Variants in CNTLN observed in about 807,000 individuals in gnomAD.
CNTLN encodes the protein centlein, also known as centlein, centrosomal protein.
CNTLN carries 212 observed loss-of-function variants against 180.0 expected under a neutral mutation model. The observed-to-expected ratio is 1.18, with a 90% CI of 1.05 to 1.32. CNTLN has a LOEUF of 1.32. Ranked by LOEUF, CNTLN falls within the 40% of genes most tolerant of loss-of-function variation. The probability of loss-of-function intolerance (pLI) is 0.00; values close to 1 mark genes in which losing one functional copy is unlikely to be tolerated. For synonymous variants in CNTLN, 722 were observed against 563.1 expected (o/e 1.28, Z -3.99); for missense variants, 2,095 against 1,610.9 (o/e 1.30, Z -5.14).
intron 5 of CNTLN, among the ~76,000 whole-genome samples, chr9:17,256,764 G>A (rs1746324975): frequency 6.6e-6 from 1 of 151,904 alleles, no homozygotes; most frequent in African/African-American, 2.4e-5. Context: ...ACTCAAAGCA[G>A]AGGGGATTTG....
In CNTLN at chr9:17,466,109, A is replaced by G; in HGVS notation, c.3660A>G (p.Leu1220=). ...EQMYQKSKEE[L]EKKDLKLTLL... is the part of the protein sequence containing the mutation. The stretch of plus-strand genomic sequence containing the variant: ...TGTATCAGAAATCTAAAGAGGAGTT[A>G]GAAAAAAAGGTATGCTTTTAAAAAG... Residue 1220 remains leucine, a synonymous_variant, in exon 22 of 26, where the codon TTA becomes TTG. Coordinates refer to ENST00000380647, the MANE Select transcript of CNTLN (RefSeq NM_017738.4). 6.2e-7 allele frequency: 1 copy of G among 1,601,760 alleles called. No homozygotes were observed. The highest frequency in any genetic ancestry group is 1.1e-5 in the South Asian group (1 of 89,440).
At chr9:17,249,916 G>A (rs1225112801) in intron 5 of CNTLN, among the ~76,000 whole-genome samples, 3 of 146,954 alleles carry the variant, frequency 2.0e-5, no homozygotes, top group East Asian at 2.0e-4. Context: ...TGTTGTTTAA[G>A]CCATCTTTAT....
intron 12 of CNTLN, among the ~76,000 whole-genome samples, chr9:17,347,854 C>T (rs1822036339): frequency 6.6e-6 from 1 of 151,956 alleles, no homozygotes; most frequent in Admixed American, 6.6e-5. Context: ...TTTTTTGAGA[C>T]AGAGTCTCGC....
intron 2 of CNTLN, among the ~76,000 whole-genome samples, chr9:17,211,399 C>T (rs535232867): frequency 4.7e-4 from 71 of 151,840 alleles, no homozygotes; most frequent in African/African-American, 6.1e-4. Flanking sequence ...GGCTCTGTTC[C>T]GTTCCATTGG....
At chr9:17,253,311 T>C (rs977186397) in intron 5 of CNTLN, among the ~76,000 whole-genome samples, 7 of 151,668 alleles carry the variant, frequency 4.6e-5, no homozygotes, top group Admixed American at 2.0e-4. Context: ...TGAAAAATGA[T>C]GTTGGTAGTA....
In CNTLN at chr9:17,220,147, G is replaced by A. The variant is rs142804179; in HGVS notation, c.450-6056G>A. Among the ~76,000 whole-genome samples the A allele has an allele frequency of 1.6e-3, 248 of 152,158 alleles. 1 individual carries two copies. Among genetic ancestry groups the A allele is most frequent in the African/African-American group, 5.8e-3 (239 of 41,524 alleles). On this transcript the variant is annotated intron_variant, in intron 2 of 25. Transcript: ENST00000380647. ...GCTGAAGAACATGCATTTCTAACCT[G>A]GGTGATGATGATGCTCGTGCTCTGG...
rs200118767 is a variant in CNTLN at position 17,342,378 on chromosome 9, A to T, written c.1820A>T (p.Asp607Val). ...RADPQQLRQE[D>V]SDAVWNELAY... ...GATCCCCAACAACTTCGACAAGAAG[A>T]TTCTGACGCTGTGTGGAATGAACTG... Residue 607 changes from aspartate to valine, a missense_variant, in exon 12 of 26, where the codon GAT (aspartate) becomes GTT (valine). Transcript: ENST00000380647. 268 of 1,612,332 alleles carry T rather than the reference A, an allele frequency of 1.7e-4. 1 individual carries two copies. In the Middle Eastern group the frequency reaches 3.5e-3, roughly 21 times the overall value.
chr9:17,371,064 A>G (rs1390773655), intron 13 of CNTLN, among the ~76,000 whole-genome samples: 1 of 152,124 alleles, frequency 6.6e-6, no homozygotes, highest in Non-Finnish European at 1.5e-5. Flanking sequence ...GAAGGAAGGA[A>G]AAGAAGACCA....
chr9:17,229,495 G>T (rs980599983), intron 3 of CNTLN, among the ~76,000 whole-genome samples: 7 of 152,012 alleles, frequency 4.6e-5, no homozygotes, highest in African/African-American at 1.7e-4. Flanking sequence ...CTGCAGGGCA[G>T]CCTGGCAGAA....
chr9:17,433,704 T>C (rs1313402544), intron 18 of CNTLN, among the ~76,000 whole-genome samples: 2 of 152,048 alleles, frequency 1.3e-5, no homozygotes, highest in Non-Finnish European at 2.9e-5. Context: ...CATGGCTCAC[T>C]GTAACCTCAA....
chr9:17,421,863 C>G (rs184034446), intron 18 of CNTLN, among the ~76,000 whole-genome samples: 1 of 152,260 alleles, frequency 6.6e-6, no homozygotes, highest in African/African-American at 2.4e-5. Context: ...AATATACACT[C>G]TCCATTTTAA....
At chr9:17,370,993 T>C (rs1370801140) in intron 13 of CNTLN, among the ~76,000 whole-genome samples, 2 of 152,196 alleles carry the variant, frequency 1.3e-5, no homozygotes, top group Admixed American at 6.5e-5. Flanking sequence ...AAATTTTCGT[T>C]TTATTTTAGG....
At chr9:17,399,520 T>A (rs909368713) in intron 15 of CNTLN, among the ~76,000 whole-genome samples, 1 of 152,242 alleles carries the variant, frequency 6.6e-6, no homozygotes, top group Non-Finnish European at 1.5e-5. Flanking sequence ...TTGACTTTTC[T>A]TTTTCTTTTT....
In CNTLN at chr9:17,298,243, C is replaced by T. The variant is rs1378979662; in HGVS notation, c.1037C>T (p.Ala346Val). Residue 346 changes from alanine (A) to valine (V), a missense_variant, in exon 7 of 26, where the codon GCC becomes GTC. Physicochemically the swap from Ala to Val is moderately conservative, Grantham distance 64 (BLOSUM62 0). Coordinates refer to ENST00000380647, the MANE Select transcript of CNTLN (RefSeq NM_017738.4). Reference protein sequence around the residue: ...NLYKQNSTHTAQQAELIQQLQ... With the variant: ...NLYKQNSTHTVQQAELIQQLQ... Reference sequence around the variant, plus strand: ...TACAAACAGAACAGTACACATACAGCCCAGCAAGCAGAGCTGATCCAGCAG... The same window carrying T: ...TACAAACAGAACAGTACACATACAGTCCAGCAAGCAGAGCTGATCCAGCAG... 2.5e-6 allele frequency: 4 copies of T among 1,611,350 alleles called. No homozygotes were observed. Among genetic ancestry groups the T allele is most frequent in the Non-Finnish European group, 3.4e-6 (4 of 1,179,086 alleles).
chr9:17,356,628 A>C (rs1162955044), intron 12 of CNTLN, among the ~76,000 whole-genome samples: 1 of 152,174 alleles, frequency 6.6e-6, no homozygotes, highest in Non-Finnish European at 1.5e-5. Context: ...CATGTAACTG[A>C]ATCTGTGTGA....
intron 2 of CNTLN, among the ~76,000 whole-genome samples, chr9:17,177,286 G>T (rs1820778261): frequency 6.6e-6 from 1 of 152,080 alleles, no homozygotes; most frequent in South Asian, 2.1e-4. Flanking sequence ...GCAGGCACCT[G>T]TAGTCCCAGC....
chr9:17,311,399 G>C (rs908959560), intron 8 of CNTLN, among the ~76,000 whole-genome samples: 1 of 148,684 alleles, frequency 6.7e-6, no homozygotes, highest in Non-Finnish European at 1.5e-5. Flanking sequence ...AAATCTTTCT[G>C]TTCCCCCAAA....
intron 2 of CNTLN, among the ~76,000 whole-genome samples, chr9:17,166,595 G>A (rs61562344): frequency 0.019 from 2,893 of 152,094 alleles, 59 homozygotes; most frequent in African/African-American, 0.05. Flanking sequence ...CCTCTTAGAG[G>A]GGAAAAAATA....
intron 11 of CNTLN, among the ~76,000 whole-genome samples, chr9:17,342,023 G>T (rs574045964): frequency 5.9e-5 from 9 of 152,142 alleles, no homozygotes; most frequent in East Asian, 3.9e-4. Flanking sequence ...ATGCGGGGGG[G>T]ACCGTTAAAA....
Sources: gnomAD v4.1 joint callset for allele counts (sites outside exome capture counted in the v4.1 genomes callset) on GRCh38, gnomAD v4.1.1 for gene constraint, MANE v1.5 for transcripts, NCBI Gene and HGNC (gene_info 2026-07-23, HGNC 2026-07-21) for gene names.